The following CNGB1 variants were observed in gnomAD, a reference collection of about 807,000 sequenced individuals.
The protein encoded by CNGB1 is cyclic nucleotide gated channel subunit beta 1.
CNGB1 carries 126 observed loss-of-function variants against 151.7 expected under a neutral mutation model. That is an observed-to-expected ratio of 0.83 (90% CI 0.72 to 0.96). The LOEUF (loss-of-function observed/expected upper bound fraction) is 0.96, where lower values mean the gene tolerates loss of function less well. Among genes scored for constraint, CNGB1 ranks in the 40% least tolerant of loss-of-function variants. The pLI is 0.00. For missense variants in CNGB1, 1,698 were observed against 1,627.0 expected (o/e 1.04, Z -0.75); for synonymous variants, 623 against 635.1 (o/e 0.98, Z 0.29).
chr16:57,968,920 A>G (rs773512298), intron 1 of CNGB1, among the ~76,000 whole-genome samples: 2 of 151,034 alleles, frequency 1.3e-5, no homozygotes, highest in Non-Finnish European at 2.9e-5. Flanking sequence ...AGTCCCAGCT[A>G]CTCAGGAGGC....
rs556681458 is a variant in CNGB1, at chr16:57,959,903, G to C, written c.746C>G (p.Thr249Ser). The C allele has an allele frequency of 6.4e-7, 1 of 1,550,528 alleles. No homozygotes were observed. The highest frequency in any genetic ancestry group is 1.2e-5 in the South Asian group (1 of 81,210). The change falls in exon 10 of 33, where the codon ACC (threonine) becomes AGC (serine). Residue 249 changes from threonine (T) to serine (S), a missense_variant. Physicochemically the swap from Thr to Ser is moderately conservative, Grantham distance 58 (BLOSUM62 1). Coordinates refer to ENST00000251102, the MANE Select transcript of CNGB1 (RefSeq NM_001297.5). ...SQAQTSSLPP[T>S]RDPARLVAWV... ...GGTGGCTCACCTGGCAGGGTCCCTG[G>C]TTGGTGGCAGGGAGGAGGTCTGGGC...
At chr16:57,944,626 T>C (rs1961755838) in intron 14 of CNGB1, among the ~76,000 whole-genome samples, 1 of 152,088 alleles carries the variant, frequency 6.6e-6, no homozygotes, top group Admixed American at 6.6e-5. Context: ...AAAACAACAA[T>C]TATACACAAA....
chr16:57,885,231 G>T (rs1414824066), intron 32 of CNGB1, among the ~76,000 whole-genome samples: 1 of 152,202 alleles, frequency 6.6e-6, no homozygotes, highest in Non-Finnish European at 1.5e-5. Flanking sequence ...GTCCTCAGCT[G>T]CCCAAGACCC....
At chr16:57,937,583 C>T (rs930799143) in intron 16 of CNGB1, among the ~76,000 whole-genome samples, 9 of 152,126 alleles carry the variant, frequency 5.9e-5, no homozygotes, top group Non-Finnish European at 1.3e-4. Flanking sequence ...TTCCCATGCT[C>T]CCTCCACTTA....
intron 2 of CNGB1, 128 bp downstream of exon 2, chr16:57,967,000 T>C (rs1962415065): frequency 1.5e-6 from 2 of 1,309,278 alleles, no homozygotes; most frequent in Admixed American, 1.8e-5. Flanking sequence ...TGGGACCCTG[T>C]GACCCCCACT....
chr16:57,887,764 C>G, intron 32 of CNGB1, 91 bp downstream of exon 32: 1 of 1,272,516 alleles, frequency 7.9e-7, no homozygotes, highest in South Asian at 1.2e-5. Context: ...GACCCTAAAA[C>G]TAAATGTGTG....
Position 57,884,380 on chromosome 16 carries a change from G to A in CNGB1, c.3540C>T (p.Ala1180=), listed in dbSNP as rs1317550105. The change falls in exon 33 of 33, where the codon GCC becomes GCT. Residue 1180 remains alanine (A), a synonymous_variant. Transcript: ENST00000251102. ...GCGTCCGGGGCGCGGGTGGGTCGGT[G>A]GCGGCCTCCTTTGGGTGCGTGTGCT... ...PDQHTHPKEA[A]TDPPAPRTPP... The A allele has an allele frequency of 1.2e-6, 2 of 1,612,478 alleles. No homozygotes were observed. Among genetic ancestry groups the A allele is most frequent in the Non-Finnish European group, 8.5e-7 (1 of 1,179,550 alleles).
Position 57,963,078 on chromosome 16 carries a change from A to G in CNGB1, c.291-14T>C, listed in dbSNP as rs761103847. 6.2e-7 allele frequency: 1 copy of G among 1,600,326 alleles called. No homozygotes were observed. Among genetic ancestry groups the G allele is most frequent in the African/African-American group, 1.3e-5 (1 of 74,832 alleles). ...CTGCGGCTGGGACTGCGATGGACAG[A>G]GACACCAGCCCGCCCTCAACTTCCC... On this transcript the variant is annotated splice_polypyrimidine_tract_variant and intron_variant, in intron 4 of 32. Transcript: ENST00000251102.
chr16:57,898,598 T>C (rs1316253909), intron 29 of CNGB1, among the ~76,000 whole-genome samples: 1 of 152,182 alleles, frequency 6.6e-6, no homozygotes, highest in African/African-American at 2.4e-5. Flanking sequence ...GTATTTTTAG[T>C]AGAGACAGGG....
chr16:57,960,769 G>C (rs902245530), intron 8 of CNGB1, 71 bp downstream of exon 8: 1 of 1,504,278 alleles, frequency 6.6e-7, no homozygotes, highest in East Asian at 2.3e-5. Context: ...TGCTGGAGGA[G>C]GCAGTCCCTC....
At chr16:57,895,638 C>T (rs576093018) in intron 31 of CNGB1, among the ~76,000 whole-genome samples, 1 of 151,728 alleles carries the variant, frequency 6.6e-6, no homozygotes, top group East Asian at 1.9e-4. Flanking sequence ...GGCCTAGTAG[C>T]ACTCCAGTAG....
At chr16:57,906,919 T>C (rs1960566722) in intron 25 of CNGB1, among the ~76,000 whole-genome samples, 1 of 151,972 alleles carries the variant, frequency 6.6e-6, no homozygotes, top group African/African-American at 2.4e-5. Flanking sequence ...TGGGGCGGGA[T>C]GCAGGGCCTA....
chr16:57,953,888 G>GA (rs111299309), intron 12 of CNGB1, among the ~76,000 whole-genome samples: 4,387 of 147,412 alleles, frequency 0.03, 177 homozygotes, highest in African/African-American at 0.1. Context: ...AAGAAAGAAA[G>GA]AAAAAAAAAA....
At chr16:57,954,730 A>G in intron 12 of CNGB1, 2 of 985,490 alleles carry the variant, frequency 2.0e-6, no homozygotes. Context: ...GTTGCTGCTC[A>G]TTGGTGTCCC....
At chr16:57,942,878 C>A (rs1180865010) in intron 14 of CNGB1, among the ~76,000 whole-genome samples, 1 of 147,970 alleles carries the variant, frequency 6.8e-6, no homozygotes, top group African/African-American at 2.5e-5. Context: ...AAAAAAAAAA[C>A]CCTACCCACA....
chr16:57,886,720 C>T lies in CNGB1; in HGVS notation c.3462+1135G>A, dbSNP rs1157202783. Among the ~76,000 whole-genome samples the T allele has an allele frequency of 2.4e-5, 3 of 122,718 alleles. No homozygotes were observed. In the South Asian group the frequency reaches 6.6e-4, roughly 27 times the overall value. 80.5% of individuals were successfully genotyped at this position (122,718 alleles called of 152,430 possible). ...CCCCAGCAGACTTCCTAAAGGACAGCCGTGAACAGACATAATTAATGTAAT... is the reference window on the plus strand; with the variant it reads ...CCCCAGCAGACTTCCTAAAGGACAGTCGTGAACAGACATAATTAATGTAAT... On this transcript the variant is annotated intron_variant, in intron 32 of 32. Transcript: ENST00000251102.
chr16:57,923,051 T>G, intron 18 of CNGB1: 1 of 429,768 alleles, frequency 2.3e-6, no homozygotes, highest in Non-Finnish European at 4.4e-6. Context: ...CTGCTGGCCG[T>G]GGACACAGCT....
At position 57,912,977 on chromosome 16, in the gene CNGB1, C is replaced by T. The variant is rs923147344; in HGVS notation, c.2322G>A (p.Glu774=). The change falls in exon 24 of 33, where the codon GAG becomes GAA. Residue 774 remains glutamate (E), a synonymous_variant. Coordinates refer to ENST00000251102, the MANE Select transcript of CNGB1 (RefSeq NM_001297.5). ...PRCLKYMAFF[E]FNSRLESILS... ...GGATGGATTCCAGGCGGCTGTTAAA[C>T]TCGAAGAAGGCCATGTACTGGAGGG... The T allele has an allele frequency of 5.0e-6, 8 of 1,613,956 alleles. No individual in the cohort carries two copies. The African/African-American group carries it at 6.7e-5, about 13-fold the overall frequency.
chr16:57,958,301 T>C, intron 11 of CNGB1, 109 bp downstream of exon 11: 1 of 981,730 alleles, frequency 1.0e-6, no homozygotes, highest in Admixed American at 1.8e-5. Context: ...ACAGGAAGGC[T>C]GGGGGAGCTG....
Sources: allele counts gnomAD v4.1 joint callset (sites outside exome capture counted in the v4.1 genomes callset), GRCh38; gene constraint gnomAD v4.1.1; transcripts MANE v1.5; gene names NCBI Gene and HGNC (gene_info 2026-07-23, HGNC 2026-07-21).